The following APPL2 variants were observed in gnomAD, a reference collection of about 807,000 sequenced individuals.
APPL2 encodes the protein adaptor protein, phosphotyrosine interacting with PH domain and leucine zipper 2, also known as DCC-interacting protein 13-beta.
A neutral mutation model predicts 92.7 loss-of-function variants in APPL2; 84 were observed. The ratio of observed to expected loss-of-function variants is 0.91; its 90% CI spans 0.76 to 1.09. The LOEUF (loss-of-function observed/expected upper bound fraction) is 1.09, where lower values mean the gene tolerates loss of function less well. Ranked by LOEUF, APPL2 falls within the 50% of genes least tolerant of loss-of-function variation. APPL2 has a pLI of 0.00. For synonymous variants in APPL2, 291 were observed against 291.0 expected, an observed-to-expected ratio of 1.00 and a Z score of 0.00; for missense variants, 736 against 824.5, an observed-to-expected ratio of 0.89 and a Z score of 1.31.
intron 5 of APPL2, among the ~76,000 whole-genome samples, chr12:105,208,872 A>G (rs899118436): frequency 6.6e-6 from 1 of 152,220 alleles, no homozygotes; most frequent in Non-Finnish European, 1.5e-5. Flanking sequence ...GATACCTAAA[A>G]GAAAGTGACA....
At chr12:105,193,163 T>C (rs1013531176) in intron 14 of APPL2, among the ~76,000 whole-genome samples, 1 of 152,324 alleles carries the variant, frequency 6.6e-6, no homozygotes, top group East Asian at 1.9e-4. Flanking sequence ...GTGGGGTCCT[T>C]TTGGTCTAAG....
chr12:105,209,989 C>A (rs1889077320), intron 5 of APPL2, among the ~76,000 whole-genome samples: 1 of 151,568 alleles, frequency 6.6e-6, no homozygotes, highest in Non-Finnish European at 1.5e-5. Flanking sequence ...GAGACGGAGT[C>A]TCGCTCTGTC....
chr12:105,185,808 C>T (rs192123244), intron 17 of APPL2, among the ~76,000 whole-genome samples: 99 of 152,234 alleles, frequency 6.5e-4, no homozygotes, highest in Middle Eastern at 3.4e-3. Context: ...GTGACGTATG[C>T]ATAACGTCAG....
intron 8 of APPL2, among the ~76,000 whole-genome samples, chr12:105,206,138 G>A (rs143120758): frequency 3.0e-4 from 46 of 152,288 alleles, no homozygotes; most frequent in African/African-American, 9.9e-4. Flanking sequence ...CAGGAAATGG[G>A]TTAAAGCTCC....
chr12:105,228,007 T>C (rs1159148701), intron 2 of APPL2, among the ~76,000 whole-genome samples: 1 of 152,192 alleles, frequency 6.6e-6, no homozygotes, highest in East Asian at 1.9e-4. Context: ...TCTAAGGCTC[T>C]CTGGTGATTG....
Position 105,174,336 on chromosome 12 carries a change from C to T in APPL2, c.1973G>A (p.Arg658Lys), listed in dbSNP as rs1377893283. The T allele has an allele frequency of 6.2e-7, 1 of 1,613,932 alleles. No individual in the cohort carries two copies. The highest frequency in any genetic ancestry group is 8.5e-7 in the Non-Finnish European group (1 of 1,179,930). Residue 658 changes from arginine (R) to lysine (K), a missense_variant, in exon 21 of 21, where the codon AGA (arginine) becomes AAA (lysine). Arg to Lys is a conservative substitution (Grantham distance 26). Transcript: ENST00000258530. ...DDDDGNPNEH[R>K]GAESEA ...GAGTTATGCTTCGGATTCTGCGCCT[C>T]TATGTTCGTTTGGATTTCCATCATC...
At chr12:105,177,336 C>T (rs1355206000) in intron 17 of APPL2, 74 bp from the exon 18 acceptor site, 1 of 1,464,980 alleles carries the variant, frequency 6.8e-7, no homozygotes, top group Non-Finnish European at 9.5e-7. Flanking sequence ...TTGTAGAAGT[C>T]CAGAATAAAT....
At position 105,195,455 on chromosome 12, in the gene APPL2, T is replaced by C; in HGVS notation, c.1142A>G (p.Asp381Gly). 6.2e-7 allele frequency: 1 copy of C among 1,614,174 alleles called. No individual in the cohort carries two copies. The highest frequency in any genetic ancestry group is 8.5e-7 in the Non-Finnish European group (1 of 1,180,036). ...NNISRQIYLT[D>G]NPEAVAIKLN... Reference sequence around the variant, plus strand: ...GTGGCTGATAATTACCTCAGGGTTGTCGGTCAGGTAGATCTGTCTGGAGAT... The same window carrying C: ...GTGGCTGATAATTACCTCAGGGTTGCCGGTCAGGTAGATCTGTCTGGAGAT... Residue 381 changes from aspartate (D) to glycine (G), a missense_variant, in exon 13 of 21, where the codon GAC becomes GGC. Coordinates refer to ENST00000258530, the MANE Select transcript of APPL2 (RefSeq NM_018171.5).
At chr12:105,195,657 G>A in intron 11 of APPL2, 30 bp from the exon 12 acceptor site, 1 of 1,612,498 alleles carries the variant, frequency 6.2e-7, no homozygotes. Context: ...GTAATTAAGT[G>A]CTTCCCTGAT....
Position 105,229,298 on chromosome 12 carries a change from A to C in APPL2, c.55-75T>G, listed in dbSNP as rs190481268. On this transcript the variant is annotated intron_variant, in intron 1 of 20. Coordinates refer to ENST00000258530, the MANE Select transcript of APPL2 (RefSeq NM_018171.5). ...TACAGAGGAGGAGGAAGATCCACAC[A>C]CCCGCACATGCAGAAACCAGAATGC... 4 of 1,315,768 alleles carry C rather than the reference A, an allele frequency of 3.0e-6. No individual in the cohort carries two copies. In the East Asian group the frequency reaches 9.8e-5, roughly 32 times the overall value. 81.5% of individuals were successfully genotyped at this position (1,315,768 alleles called of 1,614,324 possible).
intron 9 of APPL2, among the ~76,000 whole-genome samples, chr12:105,201,349 G>A (rs1471040975): frequency 6.6e-6 from 1 of 152,174 alleles, no homozygotes; most frequent in African/African-American, 2.4e-5. Flanking sequence ...CACTGCCCCG[G>A]CTGAGAGAAT....
intron 2 of APPL2, among the ~76,000 whole-genome samples, chr12:105,228,584 C>A (rs180743553): frequency 6.6e-6 from 1 of 152,272 alleles, no homozygotes; most frequent in Non-Finnish European, 1.5e-5. Context: ...CATACATGGG[C>A]ACTTCTTGAC....
chr12:105,191,279 T>C (rs552662953), intron 14 of APPL2, among the ~76,000 whole-genome samples: 94 of 152,284 alleles, frequency 6.2e-4, no homozygotes, highest in African/African-American at 2.2e-3. Context: ...TTGAGCAGTT[T>C]TGAAGGCACT....
At chr12:105,188,536 G>C (rs1886932228) in intron 16 of APPL2, 89 bp from the exon 17 acceptor site, 1 of 1,426,628 alleles carries the variant, frequency 7.0e-7, no homozygotes, top group African/African-American at 1.4e-5. Flanking sequence ...AGTTTTGCCT[G>C]CTTTCTGTGG....
At chr12:105,192,224 C>T (rs1030283500) in intron 14 of APPL2, among the ~76,000 whole-genome samples, 2 of 152,172 alleles carry the variant, frequency 1.3e-5, no homozygotes, top group African/African-American at 4.8e-5. Context: ...AGTCCACATC[C>T]ATCTACTTTT....
intron 4 of APPL2, 81 bp downstream of exon 4, chr12:105,216,988 A>T: frequency 9.8e-7 from 1 of 1,021,390 alleles, no homozygotes; most frequent in East Asian, 2.4e-5. Flanking sequence ...TAGAAATTTA[A>T]AAATGGAAAG....
chr12:105,203,580 C>G (rs1888414341), intron 9 of APPL2, 123 bp downstream of exon 9: 1 of 825,378 alleles, frequency 1.2e-6, no homozygotes, highest in Admixed American at 2.2e-5. Context: ...GCGAGCATTT[C>G]TGGGGTGGAC....
intron 5 of APPL2, among the ~76,000 whole-genome samples, chr12:105,208,667 G>A (rs1888965546): frequency 6.6e-6 from 1 of 152,166 alleles, no homozygotes. Context: ...AATACGCGGT[G>A]CTTGTACTAA....
Position 105,186,636 on chromosome 12 carries a change from CAT to C in APPL2, c.1634+1635_1634+1636del, listed in dbSNP as rs1417536914. Among the ~76,000 whole-genome samples, 11 of 88,660 alleles carry C rather than the reference CAT, an allele frequency of 1.2e-4. 1 individual carries two copies. The highest frequency in any genetic ancestry group is 1.1e-3 in the East Asian group (4 of 3,556). 58.2% of individuals were successfully genotyped at this position (88,660 alleles called of 152,430 possible). On this transcript the variant is annotated intron_variant, in intron 17 of 20. Transcript: ENST00000258530. ...TATATCATATATATATCATATATAT[CAT>C]ATATATGATATCGATATCATATATA...
Sources: allele counts gnomAD v4.1 joint callset (sites outside exome capture counted in the v4.1 genomes callset), GRCh38; gene constraint gnomAD v4.1.1; transcripts MANE v1.5; gene names NCBI Gene and HGNC (gene_info 2026-07-23, HGNC 2026-07-21).